Variants in LYRM4 observed in about 807,000 individuals in gnomAD.
LYRM4 encodes the protein LYR motif containing 4, also known as LYR motif-containing protein 4.
In LYRM4, 9 loss-of-function variants were observed where a neutral mutation model predicts 11.7. The observed-to-expected ratio is 0.77, with a 90% CI of 0.46 to 1.34. LYRM4 has a LOEUF of 1.34. Among genes scored for constraint, LYRM4 ranks in the 40% most tolerant of loss-of-function variants. LYRM4 has a pLI of 0.00. For synonymous variants in LYRM4, 42 were observed against 40.4 expected (o/e 1.04, Z -0.15); for missense variants, 133 against 112.5 (o/e 1.18, Z -0.82).
intron 2 of LYRM4, among the ~76,000 whole-genome samples, chr6:5,165,358 C>A (rs560857717): frequency 6.6e-6 from 1 of 152,232 alleles, no homozygotes; most frequent in South Asian, 2.1e-4. Context: ...TTAAGTGTTC[C>A]TTCAGTTTTT....
At chr6:5,094,311 A>G in the LYRM4 span, among the ~76,000 whole-genome samples, 6 of 152,220 alleles carry the variant, frequency 3.9e-5, no homozygotes, top group African/African-American at 1.2e-4. Context: ...GCAAGATCTC[A>G]TCTCTATAAA....
chr6:5,186,049 G>A (rs1760372755), intron 2 of LYRM4, among the ~76,000 whole-genome samples: 1 of 152,202 alleles, frequency 6.6e-6, no homozygotes, highest in African/African-American at 2.4e-5. Flanking sequence ...GGAACCCTGG[G>A]TATCTGTGCA....
chr6:5,091,907 A>G, the LYRM4 span, among the ~76,000 whole-genome samples: 2 of 152,174 alleles, frequency 1.3e-5, no homozygotes, highest in East Asian at 3.8e-4. Flanking sequence ...AATTTCTCCG[A>G]TTGTAGTTAC....
chr6:5,146,778 C>T (rs572002185), intron 2 of LYRM4, among the ~76,000 whole-genome samples: 35 of 152,304 alleles, frequency 2.3e-4, no homozygotes, highest in Non-Finnish European at 4.1e-4. Context: ...CAAAAGAAGA[C>T]AAGACTCAGG....
the LYRM4 span, among the ~76,000 whole-genome samples, chr6:5,076,072 G>A: frequency 6.6e-6 from 1 of 151,812 alleles, no homozygotes; most frequent in Non-Finnish European, 1.5e-5. Flanking sequence ...AGCCTCCTTA[G>A]TAGCTGGAAC....
the LYRM4 span, among the ~76,000 whole-genome samples, chr6:5,059,850 G>A: frequency 4.0e-5 from 6 of 151,738 alleles, no homozygotes; most frequent in African/African-American, 1.5e-4. Flanking sequence ...GCCCAGGCTG[G>A]AGTAGAGTGG....
intron 2 of LYRM4, among the ~76,000 whole-genome samples, chr6:5,171,489 T>G (rs1382947435): frequency 6.6e-6 from 1 of 152,158 alleles, no homozygotes; most frequent in Non-Finnish European, 1.5e-5. Context: ...CAAAAATAAA[T>G]GATTCCTGGT....
intron 2 of LYRM4, among the ~76,000 whole-genome samples, chr6:5,132,523 T>C (rs1008676740): frequency 2.0e-5 from 3 of 152,152 alleles, no homozygotes; most frequent in South Asian, 2.1e-4. Context: ...AAGAGAAGAG[T>C]ACCCAGCCTG....
chr6:5,191,684 C>G (rs1202970204), intron 2 of LYRM4, among the ~76,000 whole-genome samples: 1 of 152,116 alleles, frequency 6.6e-6, no homozygotes, highest in East Asian at 1.9e-4. Context: ...CTGATTCAGG[C>G]AAGGCACATT....
rs75585369 is a variant in LYRM4, at chr6:5,138,599, A to G, written c.208-29108T>C. 3.3e-3 allele frequency: 2,020 copies of G among 616,246 alleles called. 117 individuals carry two copies. The East Asian group carries it at 0.069, about 21-fold the overall frequency. The allele number at this position is 616,246 out of a possible 1,614,324, so 38.2% of individuals were successfully genotyped here. A position where few individuals can be genotyped will look rare whatever the true frequency, so the allele number is the denominator to read the frequency against. On this transcript the variant is annotated intron_variant, in intron 2 of 2. Transcript: ENST00000330636. The stretch of plus-strand genomic sequence containing the variant: ...TGTTTTTTTTATGAATGATTTCCAG[A>G]CTAAGTCACAAGAAAACCTTATATA...
chr6:5,132,470 ATTCT>A (rs1335204853), intron 2 of LYRM4, among the ~76,000 whole-genome samples: 2 of 152,228 alleles, frequency 1.3e-5, no homozygotes, highest in Non-Finnish European at 2.9e-5. Context: ...AATGTCTTCT[ATTCT>A]TTCTAATTAA....
At chr6:5,148,618 A>G (rs1370633259) in intron 2 of LYRM4, among the ~76,000 whole-genome samples, 1 of 146,526 alleles carries the variant, frequency 6.8e-6, no homozygotes, top group Non-Finnish European at 1.5e-5. Flanking sequence ...TTTTAATGAA[A>G]GAATTCATAT....
chr6:5,242,396 C>T (rs1229908291), intron 1 of LYRM4, among the ~76,000 whole-genome samples: 1 of 150,874 alleles, frequency 6.6e-6, no homozygotes, highest in East Asian at 2.0e-4. Context: ...ATTAAGAGTT[C>T]CTACTCTAGG....
downstream of LYRM4, chr6:5,103,630 A>ATTCTTTTTT (rs1561797288): frequency 1.7e-5 from 2 of 119,738 alleles, 1 homozygote. Flanking sequence ...TATCTGAGAT[A>ATTCTTTTTT]TTTTTTTTTT....
chr6:5,174,127 G>A (rs1581435095), intron 2 of LYRM4, among the ~76,000 whole-genome samples: 1 of 151,958 alleles, frequency 6.6e-6, no homozygotes, highest in African/African-American at 2.4e-5. Context: ...CAGACCTGAT[G>A]TTTTCCTTAG....
At chr6:5,085,855 T>G in the LYRM4 span, 1 of 1,530,206 alleles carries the variant, frequency 6.5e-7, no homozygotes, top group Non-Finnish European at 8.7e-7. Context: ...CCCGGGCGGC[T>G]GCTGCGCCAA....
At chr6:5,254,527 C>T (rs1016600528) in intron 1 of LYRM4, among the ~76,000 whole-genome samples, 12 of 152,204 alleles carry the variant, frequency 7.9e-5, no homozygotes, top group African/African-American at 2.9e-4. Context: ...TACTTTTGCA[C>T]CAACTTGCTA....
chr6:5,138,617 C>T, intron 2 of LYRM4: 1 of 857,562 alleles, frequency 1.2e-6, no homozygotes, highest in Non-Finnish European at 1.7e-6. Flanking sequence ...ACAAGAAAAC[C>T]TTATATACTA....
chr6:5,147,799 G>A (rs1757811659), intron 2 of LYRM4, among the ~76,000 whole-genome samples: 2 of 26,604 alleles, frequency 7.5e-5, no homozygotes, highest in Non-Finnish European at 1.1e-4. Flanking sequence ...AGGCCCTTCT[G>A]TCTCATCGCT....
Sources: gnomAD v4.1 joint callset for allele counts (sites outside exome capture counted in the v4.1 genomes callset) on GRCh38, gnomAD v4.1.1 for gene constraint, MANE v1.5 for transcripts, NCBI Gene and HGNC (gene_info 2026-07-23, HGNC 2026-07-21) for gene names.